The following NIBAN2 variants were observed in gnomAD, a reference collection of about 807,000 sequenced individuals.
The protein encoded by NIBAN2 is protein Niban 2.
NIBAN2 carries 36 observed loss-of-function variants against 81.8 expected under a neutral mutation model. The ratio of observed to expected loss-of-function variants is 0.44; its 90% CI spans 0.34 to 0.58. The LOEUF (loss-of-function observed/expected upper bound fraction) is 0.58. Among genes scored for constraint, NIBAN2 ranks in the 20% least tolerant of loss-of-function variants. The pLI is 0.02. For synonymous variants in NIBAN2, 445 were observed against 441.6 expected (o/e 1.01, Z -0.10); for missense variants, 897 against 1,014.1 (o/e 0.88, Z 1.57).
rs1836894039 is a variant in NIBAN2, at chr9:127,519,406, G to C, written c.590-1465C>G. On this transcript the variant is annotated intron_variant, in intron 5 of 13. Coordinates refer to ENST00000373312, the MANE Select transcript of NIBAN2 (RefSeq NM_022833.4). ...AAGGTGGTCAAACGCCACCGAGCCA[G>C]GCAGCAGGCAGACTCCCCTGGCCGC... 2.0e-5 allele frequency among the ~76,000 whole-genome samples: 3 copies of C among 152,160 alleles called. No homozygotes were observed. In the South Asian group the frequency reaches 6.2e-4, roughly 32 times the overall value.
chr9:127,567,806 G>A lies in NIBAN2; in HGVS notation c.55+1014C>T, dbSNP rs977888091. Among the ~76,000 whole-genome samples, 5 of 152,194 alleles carry A rather than the reference G, an allele frequency of 3.3e-5. No individual in the cohort carries two copies. The East Asian group carries it at 9.6e-4, about 29-fold the overall frequency. On this transcript the variant is annotated intron_variant, in intron 1 of 13. Transcript: ENST00000373312. Reference sequence around the variant, plus strand: ...GCTCTGTGCTAAGCAAGCCACATGAGTTACTTCACGTAAGCCTCCCAACAA... The same window carrying A: ...GCTCTGTGCTAAGCAAGCCACATGAATTACTTCACGTAAGCCTCCCAACAA...
chr9:127,516,934 G>GGCTGCACCT lies in NIBAN2; in HGVS notation c.887_895dup (p.Gln296_Gln298dup), dbSNP rs1225615142. On this transcript the variant is annotated inframe_insertion, in exon 8 of 14. Coordinates refer to ENST00000373312, the MANE Select transcript of NIBAN2 (RefSeq NM_022833.4). ...AGTTCGGATGACGGCCTGCATGGCC[G>GGCTGCACCT]GCTGCACCTGCTGCACCTTGGACAG... The GGCTGCACCT allele has an allele frequency of 1.9e-6, 3 of 1,614,036 alleles. No individual in the cohort carries two copies. Among genetic ancestry groups the GGCTGCACCT allele is most frequent in the Non-Finnish European group, 2.5e-6 (3 of 1,180,032 alleles).
chr9:127,560,763 A>C (rs569777010), intron 1 of NIBAN2, among the ~76,000 whole-genome samples: 30 of 152,324 alleles, frequency 2.0e-4, no homozygotes, highest in African/African-American at 6.3e-4. Flanking sequence ...AGAAATAAGG[A>C]CTACGTGTGT....
intron 1 of NIBAN2, among the ~76,000 whole-genome samples, chr9:127,575,384 C>T (rs1203447548): frequency 1.3e-5 from 2 of 151,720 alleles, no homozygotes; most frequent in East Asian, 1.9e-4. Context: ...CCTGCCACCA[C>T]GCCTGGCTAA....
rs568312636 is a variant in NIBAN2 at position 127,508,035 on chromosome 9, G to A, written c.1543-57C>T. On this transcript the variant is annotated intron_variant, in intron 12 of 13. Transcript: ENST00000373312. The surrounding 1 kb of genome is among the most constrained non-coding windows in gnomAD (Gnocchi z 6.4). ...CAGGGCCAAGGGTAGAGGGAGGCCT[G>A]TGGGCTCCATCCCCCAACTTAGGGC... 3 of 1,606,756 alleles carry A rather than the reference G, an allele frequency of 1.9e-6. No homozygotes were observed. Among genetic ancestry groups the A allele is most frequent in the South Asian group, 1.1e-5 (1 of 90,948 alleles).
intron 1 of NIBAN2, among the ~76,000 whole-genome samples, chr9:127,542,700 C>T (rs1016154634): frequency 3.9e-5 from 6 of 152,170 alleles, no homozygotes; most frequent in African/African-American, 1.4e-4. Flanking sequence ...CCCTTGGCTG[C>T]GTCACTCTTC....
intron 1 of NIBAN2, among the ~76,000 whole-genome samples, chr9:127,562,119 C>T (rs915608594): frequency 2.0e-5 from 3 of 152,086 alleles, no homozygotes; most frequent in Non-Finnish European, 4.4e-5. Context: ...TGAGTAATGA[C>T]GGGTGGGATA....
intron 8 of NIBAN2, among the ~76,000 whole-genome samples, chr9:127,516,398 A>C (rs183358929): frequency 1.1e-4 from 17 of 152,242 alleles, no homozygotes; most frequent in Admixed American, 5.9e-4. Context: ...CACAAAAGTT[A>C]GCCGGGCATG....
intron 8 of NIBAN2, among the ~76,000 whole-genome samples, chr9:127,511,853 A>G (rs932981485): frequency 3.7e-4 from 57 of 152,350 alleles, no homozygotes; most frequent in African/African-American, 1.4e-3. Flanking sequence ...AAGGTACTTG[A>G]CATCACTGAT....
In NIBAN2 at chr9:127,544,510, AT is replaced by A. The variant is rs948758344; in HGVS notation, c.56-12733del. On this transcript the variant is annotated intron_variant, in intron 1 of 13. Transcript: ENST00000373312. ...TTTTATTTTTTTAATTAATTAATTA[AT>A]TTTTTTTTTGAGATGGAGTCCCCAC... 5.0e-4 allele frequency among the ~76,000 whole-genome samples: 74 copies of A among 149,476 alleles called. 1 individual carries two copies. The highest frequency in any genetic ancestry group is 4.3e-4 in the South Asian group (2 of 4,668).
intron 1 of NIBAN2, among the ~76,000 whole-genome samples, chr9:127,549,007 T>C (rs1588178634): frequency 1.3e-5 from 2 of 151,704 alleles, no homozygotes; most frequent in South Asian, 4.2e-4. Context: ...GGCTGGAGGG[T>C]CAAAGAGCAC....
chr9:127,557,486 G>A (rs1299598698), intron 1 of NIBAN2, among the ~76,000 whole-genome samples: 2 of 152,036 alleles, frequency 1.3e-5, no homozygotes, highest in Admixed American at 1.3e-4. Flanking sequence ...GGGAGGGAGG[G>A]CGGGGGCTCA....
chr9:127,567,633 C>G (rs1045552476), intron 1 of NIBAN2, among the ~76,000 whole-genome samples: 4 of 152,218 alleles, frequency 2.6e-5, no homozygotes, highest in Non-Finnish European at 5.9e-5. Flanking sequence ...GGGCTTCCTG[C>G]TCTCAAGGGA....
intron 1 of NIBAN2, among the ~76,000 whole-genome samples, chr9:127,564,643 T>C (rs1187890472): frequency 2.0e-5 from 3 of 151,976 alleles, no homozygotes; most frequent in Non-Finnish European, 4.4e-5. Context: ...GAGGTCGAGG[T>C]GGGTGGATCA....
chr9:127,556,149 G>C (rs1018966616), intron 1 of NIBAN2, among the ~76,000 whole-genome samples: 1 of 152,146 alleles, frequency 6.6e-6, no homozygotes, highest in African/African-American at 2.4e-5. Context: ...CCTCACCCTC[G>C]GGGCTCAAGG....
Position 127,508,261 on chromosome 9 carries a change from A to G in NIBAN2, c.1435-61T>C. On this transcript the variant is annotated intron_variant, in intron 11 of 13. Coordinates refer to ENST00000373312, the MANE Select transcript of NIBAN2 (RefSeq NM_022833.4). The surrounding 1 kb of genome is among the most constrained non-coding windows in gnomAD (Gnocchi z 6.4). ...AGTGGGCTCCATTGGCCCTGAGGGTAGGACGAGGCCAGTGGTCTGACCCAA... is the reference window on the plus strand; with the variant it reads ...AGTGGGCTCCATTGGCCCTGAGGGTGGGACGAGGCCAGTGGTCTGACCCAA... 1.4e-6 allele frequency: 2 copies of G among 1,450,384 alleles called. No individual in the cohort carries two copies. The highest frequency in any genetic ancestry group is 1.9e-6 in the Non-Finnish European group (2 of 1,038,766). The allele number at this position is 1,450,384 out of a possible 1,614,324, so 89.8% of individuals were successfully genotyped here. A position where few individuals can be genotyped will look rare whatever the true frequency, so the allele number is the denominator to read the frequency against.
chr9:127,574,149 T>C (rs553357671), intron 1 of NIBAN2, among the ~76,000 whole-genome samples: 13 of 152,328 alleles, frequency 8.5e-5, no homozygotes, highest in African/African-American at 3.1e-4. Context: ...CACTCCCTTT[T>C]CTTGGCTCAG....
chr9:127,537,784 C>T (rs913294408), intron 1 of NIBAN2, among the ~76,000 whole-genome samples: 8 of 152,108 alleles, frequency 5.3e-5, no homozygotes, highest in Admixed American at 3.3e-4. Context: ...TGAACCGAGG[C>T]TCAGAACAAT....
Position 127,545,046 on chromosome 9 carries a change from G to A in NIBAN2, c.56-13268C>T, listed in dbSNP as rs1837445323. ...CTGAGACCATCTTGGGGAGAAACAG[G>A]TGAATGGGGCTTTCACACCCAGCGA... On this transcript the variant is annotated intron_variant, in intron 1 of 13. Coordinates refer to ENST00000373312, the MANE Select transcript of NIBAN2 (RefSeq NM_022833.4). This position sits in a 1 kb window ranked among gnomAD's most constrained non-coding sequence, Gnocchi z 4.7. Among the ~76,000 whole-genome samples the A allele has an allele frequency of 6.6e-6, 1 of 152,180 alleles. No individual in the cohort carries two copies. The highest frequency in any genetic ancestry group is 2.4e-5 in the African/African-American group (1 of 41,446).
Sources: gnomAD v4.1 joint callset for allele counts (sites outside exome capture counted in the v4.1 genomes callset) on GRCh38, gnomAD v4.1.1 for gene constraint, Gnocchi (gnomAD v3.1) non-coding constraint, MANE v1.5 for transcripts, NCBI Gene and HGNC (gene_info 2026-07-23, HGNC 2026-07-21) for gene names.